The following DNER variants were observed in gnomAD, a reference collection of about 807,000 sequenced individuals.
DNER encodes delta and Notch-like epidermal growth factor-related receptor.
Under a neutral mutation model 78.2 loss-of-function variants are expected in DNER, and 33 were observed. The ratio of observed to expected loss-of-function variants is 0.42; its 90% confidence interval spans 0.32 to 0.56. The LOEUF (loss-of-function observed/expected upper bound fraction) is 0.56, where lower values mean the gene tolerates loss of function less well. DNER is among the 20% of genes least tolerant of loss of function. The pLI is 0.11. For missense variants in DNER, 918 were observed against 975.3 expected, an observed-to-expected ratio of 0.94 and a Z score of 0.78; for synonymous variants, 417 against 384.8, an observed-to-expected ratio of 1.08 and a Z score of -0.98.
At chr2:229,634,254 TTTCCTTCC>T (rs200415124) in intron 1 of DNER, among the ~76,000 whole-genome samples, 179 of 152,208 alleles carry the variant, frequency 1.2e-3, no homozygotes, top group African/African-American at 3.4e-3. Context: ...TTTTTCCTTC[TTTCCTTCC>T]TTCCTTCCTT....
At chr2:229,383,090 AG>A (rs1344974268) in intron 11 of DNER, among the ~76,000 whole-genome samples, 4 of 152,202 alleles carry the variant, frequency 2.6e-5, no homozygotes, top group African/African-American at 7.2e-5. Context: ...AAGCCAGAAG[AG>A]AGTGGAGGCC....
At chr2:229,652,567 A>G (rs761922156) in intron 1 of DNER, among the ~76,000 whole-genome samples, 1 of 152,234 alleles carries the variant, frequency 6.6e-6, no homozygotes, top group Non-Finnish European at 1.5e-5. Context: ...AAATGCCATC[A>G]GGTGAGCTGA....
At chr2:229,491,927 A>G (rs1253831554) in intron 6 of DNER, among the ~76,000 whole-genome samples, 1 of 149,880 alleles carries the variant, frequency 6.7e-6, no homozygotes, top group East Asian at 2.0e-4. Context: ...CAACTTCCCC[A>G]TTTTTCCCAT....
In DNER at chr2:229,515,639, ATT is replaced by A. The variant is rs1162899815; in HGVS notation, c.994-2705_994-2704del. On this transcript the variant is annotated intron_variant, in intron 5 of 12. Transcript: ENST00000341772. ...AATCAAATATCTTCAAGTTAGCTTT[ATT>A]TTTTTATTTTTTTTTTTTTGAGACA... 7.0e-5 allele frequency among the ~76,000 whole-genome samples: 5 copies of A among 71,576 alleles called. No individual in the cohort carries two copies. In the South Asian group the frequency reaches 2.6e-3, roughly 37 times the overall value. The allele number at this position is 71,576 out of a possible 152,430, so 47.0% of individuals were successfully genotyped here.
chr2:229,559,167 G>A (rs1445876867), intron 4 of DNER, among the ~76,000 whole-genome samples: 1 of 152,176 alleles, frequency 6.6e-6, no homozygotes, highest in Non-Finnish European at 1.5e-5. Context: ...GGATGCTGAT[G>A]AGACCCCCAA....
chr2:229,391,036 G>A (rs1693003911), intron 10 of DNER, among the ~76,000 whole-genome samples: 1 of 152,148 alleles, frequency 6.6e-6, no homozygotes, highest in African/African-American at 2.4e-5. Flanking sequence ...AGCATGAGGT[G>A]ACTCAAATGA....
At chr2:229,624,243 C>A (rs535922425) in intron 1 of DNER, among the ~76,000 whole-genome samples, 17 of 152,228 alleles carry the variant, frequency 1.1e-4, no homozygotes, top group African/African-American at 3.4e-4. Context: ...GAAAACACAA[C>A]TCTAAGTTAA....
intron 7 of DNER, among the ~76,000 whole-genome samples, chr2:229,454,621 G>T (rs919601014): frequency 6.6e-6 from 1 of 150,972 alleles, no homozygotes; most frequent in African/African-American, 2.4e-5. Flanking sequence ...ATATTATCCA[G>T]TCTAAAAAAG....
chr2:229,601,165 G>A (rs1261394627), intron 1 of DNER, among the ~76,000 whole-genome samples: 1 of 152,170 alleles, frequency 6.6e-6, no homozygotes, highest in African/African-American at 2.4e-5. Context: ...GTCCAAAACA[G>A]GAATTGCAGT....
chr2:229,433,943 A>G (rs1694068763), intron 8 of DNER, among the ~76,000 whole-genome samples: 1 of 152,182 alleles, frequency 6.6e-6, no homozygotes, highest in Non-Finnish European at 1.5e-5. Flanking sequence ...TAAAAGCTCT[A>G]CTTTAAAAAG....
chr2:229,449,375 C>A (rs1694405044), intron 7 of DNER, among the ~76,000 whole-genome samples: 1 of 152,098 alleles, frequency 6.6e-6, no homozygotes, highest in African/African-American at 2.4e-5. Context: ...TAATTTTTAT[C>A]TGTCTAGAAA....
chr2:229,401,758 G>A (rs777882484), intron 10 of DNER, among the ~76,000 whole-genome samples: 1 of 152,136 alleles, frequency 6.6e-6, no homozygotes, highest in Non-Finnish European at 1.5e-5. Context: ...GAAACTGGGT[G>A]AAGCTTACAT....
At chr2:229,377,340 A>G (rs1195888686) in intron 11 of DNER, among the ~76,000 whole-genome samples, 2 of 152,234 alleles carry the variant, frequency 1.3e-5, no homozygotes, top group Admixed American at 1.3e-4. Flanking sequence ...GAGGTTAACT[A>G]TAACTCTAAC....
At chr2:229,418,646 C>T (rs1313038536) in intron 8 of DNER, among the ~76,000 whole-genome samples, 2 of 152,030 alleles carry the variant, frequency 1.3e-5, no homozygotes, top group Non-Finnish European at 2.9e-5. Context: ...GTGGCTCATG[C>T]CACCACAAAG....
At chr2:229,675,919 G>A (rs776242593) in intron 1 of DNER, among the ~76,000 whole-genome samples, 65 of 152,152 alleles carry the variant, frequency 4.3e-4, no homozygotes, top group Non-Finnish European at 5.6e-4. Context: ...ACCACTGCCA[G>A]GGCTGCTCCA....
At chr2:229,535,155 T>C (rs1346109484) in intron 5 of DNER, among the ~76,000 whole-genome samples, 1 of 152,198 alleles carries the variant, frequency 6.6e-6, no homozygotes, top group Non-Finnish European at 1.5e-5. Context: ...AATTCCTCAG[T>C]TTTAATTTAA....
intron 8 of DNER, among the ~76,000 whole-genome samples, chr2:229,421,190 G>T (rs1693755928): frequency 6.6e-6 from 1 of 152,116 alleles, no homozygotes; most frequent in Admixed American, 6.6e-5. Context: ...ATACTGTATG[G>T]TTCCACCTAT....
At chr2:229,632,238 A>G (rs1435882642) in intron 1 of DNER, among the ~76,000 whole-genome samples, 1 of 152,254 alleles carries the variant, frequency 6.6e-6, no homozygotes, top group Admixed American at 6.5e-5. Flanking sequence ...GATTCTGGAA[A>G]CACTGCTTCT....
chr2:229,656,914 A>C (rs1698921942), intron 1 of DNER, among the ~76,000 whole-genome samples: 1 of 152,062 alleles, frequency 6.6e-6, no homozygotes. Context: ...ATAATGACTT[A>C]ATACACATAT....
Sources: gnomAD v4.1 joint callset for allele counts (sites outside exome capture counted in the v4.1 genomes callset) on GRCh38, gnomAD v4.1.1 for gene constraint, MANE v1.5 for transcripts, NCBI Gene and HGNC (gene_info 2026-07-23, HGNC 2026-07-21) for gene names.